Variants in CD22 observed in about 807,000 individuals in gnomAD.
The protein encoded by CD22 is B-cell receptor CD22.
In CD22, 51 loss-of-function variants were observed where a neutral mutation model predicts 94.7. The ratio of observed to expected loss-of-function variants is 0.54; its 90% CI spans 0.43 to 0.68. The LOEUF (loss-of-function observed/expected upper bound fraction) is 0.68, where lower values mean the gene tolerates loss of function less well. CD22 is among the 30% of genes least tolerant of loss of function. The pLI, the probability that CD22 is intolerant of heterozygous loss-of-function variation, is 0.00. For synonymous variants in CD22, 424 were observed against 422.5 expected (o/e 1.00, Z -0.04); for missense variants, 931 against 1,060.4 (o/e 0.88, Z 1.69).
rs1238580388 is a variant in CD22, at chr19:35,332,596, C to T, written c.84C>T (p.His28=). 1.2e-6 allele frequency: 2 copies of T among 1,614,026 alleles called. No homozygotes were observed. The highest frequency in any genetic ancestry group is 1.7e-6 in the Non-Finnish European group (2 of 1,179,980). ...ACTCAAGTAAATGGGTTTTTGAGCA[C>T]CCTGAAACCCTCTACGCCTGGGAGG... The part of the protein sequence containing the change: ...FSDSSKWVFE[H]PETLYAWEGA... The change falls in exon 3 of 14, where the codon CAC becomes CAT. Residue 28 remains histidine, a synonymous_variant. Coordinates refer to ENST00000085219, the MANE Select transcript of CD22 (RefSeq NM_001771.4).
intron 3 of CD22, among the ~76,000 whole-genome samples, chr19:35,335,056 C>T (rs1309985541): frequency 2.6e-4 from 31 of 120,788 alleles, no homozygotes; most frequent in East Asian, 2.6e-4. Flanking sequence ...CCAGTCCGGG[C>T]GACAGAGCGA....
Position 35,346,792 on chromosome 19 carries a change from G to A in CD22, c.*95G>A, listed in dbSNP as rs535713509. 1.2e-4 allele frequency: 132 copies of A among 1,126,382 alleles called. No individual in the cohort carries two copies. The East Asian group carries it at 1.2e-3, about 11-fold the overall frequency. 69.8% of individuals were successfully genotyped at this position (1,126,382 alleles called of 1,614,324 possible). ...ACCGCCACATGGCTTCCTCCTGCGC[G>A]CATGTGCGCACACACACACACACAC... On this transcript the variant is annotated 3_prime_UTR_variant, in exon 14 of 14. Coordinates refer to ENST00000085219, the MANE Select transcript of CD22 (RefSeq NM_001771.4).
chr19:35,336,316 T>C lies in CD22; in HGVS notation c.693T>C (p.Asn231=), dbSNP rs2066723251. The part of the protein sequence containing the change: ...LQDADGKFLS[N]DTVQLNVKHT... Reference sequence around the variant, plus strand: ...ATGCAGATGGGAAGTTCCTCTCCAATGACACGGTGCAGCTGAACGTGAAGC... The same window carrying C: ...ATGCAGATGGGAAGTTCCTCTCCAACGACACGGTGCAGCTGAACGTGAAGC... The change falls in exon 4 of 14, where the codon AAT becomes AAC. Residue 231 remains asparagine, a synonymous_variant. Transcript: ENST00000085219. 6.2e-7 allele frequency: 1 copy of C among 1,614,044 alleles called. No individual in the cohort carries two copies. The highest frequency in any genetic ancestry group is 8.5e-7 in the Non-Finnish European group (1 of 1,180,020).
At chr19:35,334,278 G>A (rs766309062) in intron 3 of CD22, among the ~76,000 whole-genome samples, 20 of 152,176 alleles carry the variant, frequency 1.3e-4, no homozygotes, top group Admixed American at 2.0e-4. Context: ...CATTTATCTT[G>A]CAGGCAGCTG....
intron 1 of CD22, 181 bp from the exon 2 acceptor site, chr19:35,331,838 C>T (rs1031777225): frequency 7.8e-7 from 1 of 1,278,194 alleles, no homozygotes; most frequent in African/African-American, 1.5e-5. Flanking sequence ...CAGAGCAAGA[C>T]TCTGTCTCAA....
rs369643755 is a variant in CD22 at position 35,341,640 on chromosome 19, A to G, written c.1771+34A>G. The G allele has an allele frequency of 6.2e-6, 10 of 1,607,420 alleles. No individual in the cohort carries two copies. In the African/African-American group the frequency reaches 1.3e-4, roughly 21 times the overall value. ...GGGCCGGAGGCTGGGAGTGGAGCAGAGAAGGGACCAGTGGCCTGCCTGGTA... is the reference window on the plus strand; with the variant it reads ...GGGCCGGAGGCTGGGAGTGGAGCAGGGAAGGGACCAGTGGCCTGCCTGGTA... On this transcript the variant is annotated intron_variant, in intron 8 of 13. Transcript: ENST00000085219. This position sits in a 1 kb window ranked among gnomAD's most constrained non-coding sequence, Gnocchi z 4.0.
At position 35,341,521 on chromosome 19, in the gene CD22, C is replaced by G; in HGVS notation, c.1686C>G (p.Ser562=). ...KESQLNFDSI[S]PEDAGSYSCW... is the part of the protein sequence containing the mutation. ...GCCAGCTGAATTTTGACTCCATCTC[C>G]CCAGAAGATGCTGGGAGTTACAGCT... The change falls in exon 8 of 14, where the codon TCC becomes TCG. Residue 562 remains serine (S), a synonymous_variant. Transcript: ENST00000085219. This position sits in a 1 kb window ranked among gnomAD's most constrained non-coding sequence, Gnocchi z 4.0. The G allele has an allele frequency of 6.2e-7, 1 of 1,614,130 alleles. No homozygotes were observed. Among genetic ancestry groups the G allele is most frequent in the South Asian group, 1.1e-5 (1 of 91,088 alleles).
intron 1 of CD22, chr19:35,331,594 G>A (rs999014579): frequency 4.9e-5 from 9 of 183,088 alleles, no homozygotes; most frequent in Non-Finnish European, 1.0e-4. Context: ...CACACCTGTA[G>A]TGCCAGCACT....
In CD22 at chr19:35,334,685, G is replaced by A. The variant is rs74738963; in HGVS notation, c.413-1351G>A. On this transcript the variant is annotated intron_variant, in intron 3 of 13. Coordinates refer to ENST00000085219, the MANE Select transcript of CD22 (RefSeq NM_001771.4). ...CAGACCCACTCCACTAAAGGAATGCGGTGCGTGGATGGCTGCAATACTGAA... is the reference window on the plus strand; with the variant it reads ...CAGACCCACTCCACTAAAGGAATGCAGTGCGTGGATGGCTGCAATACTGAA... Among the ~76,000 whole-genome samples the A allele has an allele frequency of 6.6e-3, 999 of 152,292 alleles. 50 individuals are homozygous for A. The East Asian group carries it at 0.1, about 16-fold the overall frequency.
intron 3 of CD22, among the ~76,000 whole-genome samples, chr19:35,334,684 C>T (rs925932822): frequency 3.9e-5 from 6 of 152,146 alleles, no homozygotes; most frequent in African/African-American, 7.2e-5. Flanking sequence ...TAAAGGAATG[C>T]GGTGCGTGGA....
At chr19:35,345,277 C>A in intron 11 of CD22, 151 bp downstream of exon 11, 1 of 668,286 alleles carries the variant, frequency 1.5e-6, no homozygotes, top group Non-Finnish European at 2.6e-6. Flanking sequence ...AAAAATTAGC[C>A]GGGCGTGATG....
At position 35,346,763 on chromosome 19, in the gene CD22, A is replaced by C; in HGVS notation, c.*66A>C. The C allele has an allele frequency of 6.8e-7, 1 of 1,478,536 alleles. No individual in the cohort carries two copies. Among genetic ancestry groups the C allele is most frequent in the Non-Finnish European group, 9.1e-7 (1 of 1,096,782 alleles). The allele number at this position is 1,478,536 out of a possible 1,614,324, so 91.6% of individuals were successfully genotyped here. A position where few individuals can be genotyped will look rare whatever the true frequency, so the allele number is the denominator to read the frequency against. ...GCCAGGGAAGTCCCCGAGTTTCCCC[A>C]GACACCGCCACATGGCTTCCTCCTG... is the stretch of plus-strand genomic sequence containing the variant. On this transcript the variant is annotated 3_prime_UTR_variant, in exon 14 of 14. Coordinates refer to ENST00000085219, the MANE Select transcript of CD22 (RefSeq NM_001771.4).
rs188229971 is a variant in CD22 at position 35,334,887 on chromosome 19, A to G, written c.413-1149A>G. ...AGGTCAGGAGATCGAGACCATCCTG[A>G]CTAACACAGTGAAACCCTGTCTCTA... On this transcript the variant is annotated intron_variant, in intron 3 of 13. Coordinates refer to ENST00000085219, the MANE Select transcript of CD22 (RefSeq NM_001771.4). 4.9e-3 allele frequency among the ~76,000 whole-genome samples: 737 copies of G among 151,914 alleles called. 7 individuals are homozygous for G. Among genetic ancestry groups the G allele is most frequent in the African/African-American group, 0.015 (628 of 41,400 alleles).
chr19:35,340,174 G>A (rs1206788360), intron 6 of CD22, among the ~76,000 whole-genome samples: 1 of 152,154 alleles, frequency 6.6e-6, no homozygotes, highest in Non-Finnish European at 1.5e-5. Context: ...TGATGTTTGT[G>A]GAGTGTTTGC....
In CD22 at chr19:35,346,800, G is replaced by GCACACA. The variant is rs762515089; in HGVS notation, c.*115_*120dup. On this transcript the variant is annotated 3_prime_UTR_variant, in exon 14 of 14. Coordinates refer to ENST00000085219, the MANE Select transcript of CD22 (RefSeq NM_001771.4). ...ATGGCTTCCTCCTGCGCGCATGTGC[G>GCACACA]CACACACACACACACACGCACACAC... 4.3e-5 allele frequency: 39 copies of GCACACA among 907,938 alleles called. No homozygotes were observed. The South Asian group carries it at 6.3e-4, about 15-fold the overall frequency. The allele number at this position is 907,938 out of a possible 1,614,324, so 56.2% of individuals were successfully genotyped here. A position where few individuals can be genotyped will look rare whatever the true frequency, so the allele number is the denominator to read the frequency against.
In CD22 at chr19:35,335,940, T is replaced by A. The variant is rs112396833; in HGVS notation, c.413-96T>A. 6.1e-3 allele frequency: 5,927 copies of A among 968,266 alleles called. 215 individuals carry two copies. In the African/African-American group the frequency reaches 0.085, roughly 14 times the overall value. The allele number at this position is 968,266 out of a possible 1,614,324, so 60.0% of individuals were successfully genotyped here. A position where few individuals can be genotyped will look rare whatever the true frequency, so the allele number is the denominator to read the frequency against. On this transcript the variant is annotated intron_variant, in intron 3 of 13. Transcript: ENST00000085219. ...AGAGGTGGAATGAAGTGGCAAGGGG[T>A]TCCTGAGGGGTGATTTGGGACAGGA...
At chr19:35,330,571 A>C (rs565341887) in intron 1 of CD22, 1 of 152,394 alleles carries the variant, frequency 6.6e-6, no homozygotes, top group South Asian at 2.1e-4. Context: ...ACCCATGAAC[A>C]GATACCCAGC....
chr19:35,341,706 A>AC lies in CD22; in HGVS notation c.1779dup (p.Arg594GlnfsTer24). On this transcript the variant is annotated frameshift_variant, in exon 9 of 14. Coordinates refer to ENST00000085219, the MANE Select transcript of CD22 (RefSeq NM_001771.4). LOFTEE classifies it high-confidence loss of function. This position sits in a 1 kb window ranked among gnomAD's most constrained non-coding sequence, Gnocchi z 4.0. ...CTCCCCCTGCCCGCCATGCAGATGC[A>AC]CCCAGGAGGCTGCGTGTGTCCATGA... The AC allele has an allele frequency of 6.2e-7, 1 of 1,610,266 alleles. No individual in the cohort carries two copies. The highest frequency in any genetic ancestry group is 8.5e-7 in the Non-Finnish European group (1 of 1,179,630).
rs771742142 is a variant in CD22, at chr19:35,341,683, C to G, written c.1772-19C>G. 2.5e-6 allele frequency: 4 copies of G among 1,606,736 alleles called. No individual in the cohort carries two copies. Among genetic ancestry groups the G allele is most frequent in the Non-Finnish European group, 3.4e-6 (4 of 1,176,684 alleles). On this transcript the variant is annotated intron_variant, in intron 8 of 13. Coordinates refer to ENST00000085219, the MANE Select transcript of CD22 (RefSeq NM_001771.4). This position sits in a 1 kb window ranked among gnomAD's most constrained non-coding sequence, Gnocchi z 4.0. ...GCCTGGTAGTGACTTCGCACCCCCT[C>G]CCCCTGCCCGCCATGCAGATGCACC... is the stretch of plus-strand genomic sequence containing the variant.
Sources: allele counts gnomAD v4.1 joint callset (sites outside exome capture counted in the v4.1 genomes callset), GRCh38; gene constraint gnomAD v4.1.1; non-coding constraint Gnocchi (gnomAD v3.1); transcripts MANE v1.5; gene names NCBI Gene and HGNC (gene_info 2026-07-23, HGNC 2026-07-21).